Variants in GPC5 observed in about 807,000 individuals in gnomAD.
The protein encoded by GPC5 is glypican-5.
A neutral mutation model predicts 53.9 loss-of-function variants in GPC5; 47 were observed. The observed-to-expected ratio is 0.87, with a 90% CI of 0.69 to 1.11. The LOEUF is 1.11. GPC5 is among the 50% of genes most tolerant of loss of function. The pLI is 0.00. For synonymous variants in GPC5, 286 were observed against 263.3 expected (o/e 1.09, Z -0.84); for missense variants, 748 against 713.1 (o/e 1.05, Z -0.56).
intron 7 of GPC5, among the ~76,000 whole-genome samples, chr13:92,382,280 G>T (rs1009778691): frequency 6.6e-6 from 1 of 151,942 alleles, no homozygotes; most frequent in African/African-American, 2.4e-5. Context: ...ATACTGCTCC[G>T]GTGATGGGTG....
intron 6 of GPC5, among the ~76,000 whole-genome samples, chr13:92,055,915 GT>G (rs201470432): frequency 0.013 from 2,005 of 152,158 alleles, 48 homozygotes; most frequent in African/African-American, 0.046. Context: ...AGATGCAATA[GT>G]TTAATAGCAT....
Position 91,833,175 on chromosome 13 carries a change from C to T in GPC5, c.1281-74762C>T, listed in dbSNP as rs182657332. Among the ~76,000 whole-genome samples the T allele has an allele frequency of 4.4e-3, 669 of 151,968 alleles. 3 individuals are homozygous for T. Among genetic ancestry groups the T allele is most frequent in the African/African-American group, 0.016 (646 of 41,446 alleles). ...TGGATAAATTCCTGGACACATACAC[C>T]CTCCCAAGACTAAACCAGGAAGAAG... On this transcript the variant is annotated intron_variant, in intron 5 of 7. Transcript: ENST00000377067.
Position 91,817,755 on chromosome 13 carries a change from A to G in GPC5, c.1280+61335A>G, listed in dbSNP as rs541249223. The stretch of plus-strand genomic sequence containing the variant: ...AAACCAATAGGACTGTGGACTGGTT[A>G]ATGTCATCCCTAAGCCACCCCAAAA... On this transcript the variant is annotated intron_variant, in intron 5 of 7. Transcript: ENST00000377067. Among the ~76,000 whole-genome samples, 17 of 152,284 alleles carry G rather than the reference A, an allele frequency of 1.1e-4. 2 individuals carry two copies. In the Middle Eastern group the frequency reaches 0.027, roughly 244 times the overall value.
chr13:92,435,372 G>A (rs929217240), intron 7 of GPC5, among the ~76,000 whole-genome samples: 3 of 152,050 alleles, frequency 2.0e-5, no homozygotes, highest in South Asian at 2.1e-4. Context: ...GGGAGAAGAG[G>A]GATTCAAATG....
intron 1 of GPC5, among the ~76,000 whole-genome samples, chr13:91,432,257 A>T (rs1004843128): frequency 2.9e-5 from 4 of 137,244 alleles, no homozygotes; most frequent in African/African-American, 5.6e-5. Context: ...GTGTATGTTT[A>T]GGCCTTTTGT....
At chr13:91,959,549 C>A (rs185806119) in intron 6 of GPC5, among the ~76,000 whole-genome samples, 1 of 152,044 alleles carries the variant, frequency 6.6e-6, no homozygotes, top group Non-Finnish European at 1.5e-5. Context: ...TTTTATAAGG[C>A]CAGCACTAGC....
At chr13:92,306,816 C>G (rs534747470) in intron 7 of GPC5, among the ~76,000 whole-genome samples, 1 of 152,256 alleles carries the variant, frequency 6.6e-6, no homozygotes, top group South Asian at 2.1e-4. Context: ...TTAAACATCT[C>G]AAAAGAAGGG....
At chr13:92,512,255 C>CGT (rs1566622147) in intron 7 of GPC5, among the ~76,000 whole-genome samples, 29 of 151,408 alleles carry the variant, frequency 1.9e-4, no homozygotes, top group African/African-American at 3.1e-4. Context: ...TGTGTGCGCG[C>CGT]GCGCGCGCGT....
chr13:92,808,846 T>C (rs1877194426), intron 7 of GPC5, among the ~76,000 whole-genome samples: 1 of 152,104 alleles, frequency 6.6e-6, no homozygotes, highest in Non-Finnish European at 1.5e-5. Flanking sequence ...CAAAAAAACT[T>C]GCCCCTGAAA....
At chr13:92,458,601 C>T (rs1878366582) in intron 7 of GPC5, among the ~76,000 whole-genome samples, 1 of 150,350 alleles carries the variant, frequency 6.7e-6, no homozygotes, top group Non-Finnish European at 1.5e-5. Context: ...CCCTGCCTTA[C>T]TTATTCTTTT....
chr13:92,106,300 A>C lies in GPC5; in HGVS notation c.1402-38530A>C, dbSNP rs141257460. Among the ~76,000 whole-genome samples, 479 of 152,188 alleles carry C rather than the reference A, an allele frequency of 3.1e-3. 8 individuals carry two copies. The highest frequency in any genetic ancestry group is 0.011 in the African/African-American group (460 of 41,574). On this transcript the variant is annotated intron_variant, in intron 6 of 7. Transcript: ENST00000377067. ...GAATAAATAAAAAGGTAAAGCACTT[A>C]AACAGGCAGTATATGCACATTTGTA...
At chr13:92,661,336 GA>G (rs35586990) in intron 7 of GPC5, among the ~76,000 whole-genome samples, 13,345 of 142,736 alleles carry the variant, frequency 0.093, 741 homozygotes, top group Admixed American at 0.15. Flanking sequence ...GGAGAAATTT[GA>G]AAAAAAAAAA....
chr13:91,713,272 C>G (rs2036267437), intron 3 of GPC5, among the ~76,000 whole-genome samples: 1 of 152,020 alleles, frequency 6.6e-6, no homozygotes, highest in African/African-American at 2.4e-5. Context: ...AAAAATGAAG[C>G]CACTAAACTT....
At chr13:92,038,178 G>A (rs1466091466) in intron 6 of GPC5, among the ~76,000 whole-genome samples, 1 of 151,982 alleles carries the variant, frequency 6.6e-6, no homozygotes, top group Non-Finnish European at 1.5e-5. Flanking sequence ...GAGGAATTAA[G>A]GGTCACTTTA....
chr13:92,485,826 C>G (rs1282949088), intron 7 of GPC5, among the ~76,000 whole-genome samples: 1 of 152,110 alleles, frequency 6.6e-6, no homozygotes, highest in Non-Finnish European at 1.5e-5. Context: ...ATTAGCCAGA[C>G]TTGGTGGTGG....
intron 5 of GPC5, among the ~76,000 whole-genome samples, chr13:91,830,993 T>G (rs1269084095): frequency 7.3e-6 from 1 of 136,712 alleles, no homozygotes; most frequent in African/African-American, 2.7e-5. Flanking sequence ...ATTATATATA[T>G]AATATATATA....
At chr13:91,717,283 A>T (rs1400137786) in intron 3 of GPC5, among the ~76,000 whole-genome samples, 1 of 152,204 alleles carries the variant, frequency 6.6e-6, no homozygotes, top group East Asian at 1.9e-4. Context: ...ATTCACATGA[A>T]ATAATTTGGT....
chr13:91,499,950 A>G (rs1252728141), intron 2 of GPC5, among the ~76,000 whole-genome samples: 1 of 152,170 alleles, frequency 6.6e-6, no homozygotes, highest in Non-Finnish European at 1.5e-5. Context: ...GCAGTCACTA[A>G]TTGGTCTTGT....
chr13:91,820,526 G>A lies in GPC5; in HGVS notation c.1280+64106G>A, dbSNP rs147868887. Among the ~76,000 whole-genome samples the A allele has an allele frequency of 3.0e-3, 453 of 152,110 alleles. 6 individuals carry two copies. The highest frequency in any genetic ancestry group is 0.01 in the African/African-American group (433 of 41,512). ...GTGCGAAGTATCTAATTTGTCAAGCGTCCATAAATAAATTGGTCTATCTTT... is the reference window on the plus strand; with the variant it reads ...GTGCGAAGTATCTAATTTGTCAAGCATCCATAAATAAATTGGTCTATCTTT... On this transcript the variant is annotated intron_variant, in intron 5 of 7. Coordinates refer to ENST00000377067, the MANE Select transcript of GPC5 (RefSeq NM_004466.6).
Sources: allele counts gnomAD v4.1 joint callset (sites outside exome capture counted in the v4.1 genomes callset), GRCh38; gene constraint gnomAD v4.1.1; transcripts MANE v1.5; gene names NCBI Gene and HGNC (gene_info 2026-07-23, HGNC 2026-07-21).